LMO7: variants seen among roughly 807,000 people sequenced by gnomAD.
LMO7 encodes the protein LIM domain 7, also known as LIM domain only protein 7.
A neutral mutation model predicts 206.5 loss-of-function variants in LMO7; 120 were observed. That is an observed-to-expected ratio of 0.58 (90% CI 0.50 to 0.68). The LOEUF is 0.68. LMO7 is among the 30% of genes least tolerant of loss of function. The pLI is 0.00. For missense variants in LMO7, 1,959 were observed against 1,957.9 expected (o/e 1.00, Z -0.01); for synonymous variants, 706 against 681.5 (o/e 1.04, Z -0.56).
intron 1 of LMO7, among the ~76,000 whole-genome samples, chr13:75,664,507 C>T (rs992193544): frequency 1.3e-5 from 2 of 152,052 alleles, no homozygotes; most frequent in African/African-American, 4.8e-5. Flanking sequence ...GATCTCTTTT[C>T]GATATCCTGA....
chr13:75,749,802 A>G (rs1594726614), intron 3 of LMO7, among the ~76,000 whole-genome samples: 1 of 149,100 alleles, frequency 6.7e-6, no homozygotes, highest in South Asian at 2.1e-4. Context: ...TTCCTTTGTT[A>G]TCAGCAAATG....
rs763129663 is a variant in LMO7, at chr13:75,849,066, G to T, written c.4151-13G>T. 7 of 1,510,026 alleles carry T rather than the reference G, an allele frequency of 4.6e-6. No homozygotes were observed. In the Admixed American group the frequency reaches 5.2e-5, roughly 11 times the overall value. The allele number at this position is 1,510,026 out of a possible 1,614,324, so 93.5% of individuals were successfully genotyped here. ...GTACTAATCCCAAAGCTTTTGATTT[G>T]TTTTTAATTTAGGAAACAATAAATA... On this transcript the variant is annotated splice_polypyrimidine_tract_variant and intron_variant, in intron 26 of 30. Coordinates refer to ENST00000377534, the MANE Select transcript of LMO7 (RefSeq NM_001306080.2).
intron 1 of LMO7, among the ~76,000 whole-genome samples, chr13:75,703,939 G>T (rs533305791): frequency 6.6e-6 from 1 of 152,152 alleles, no homozygotes; most frequent in Admixed American, 6.5e-5. Context: ...TAAGTTTTTG[G>T]TATTTGTAAC....
chr13:75,621,635 A>G, exon 1 of LMO7: 1 of 1,007,798 alleles, frequency 9.9e-7, no homozygotes, highest in Non-Finnish European at 1.4e-6. Context: ...GGCAAGTGCA[A>G]ATAAGTTCAA....
Position 75,814,893 on chromosome 13 carries a change from G to A in LMO7, c.1947-2268G>A, listed in dbSNP as rs139277250. ...AATAGTAGGGGGAAAAGCAGGAGGT[G>A]TGAGCAGGGCAGGGAAGCCAGTTGG... On this transcript the variant is annotated intron_variant, in intron 11 of 30. Transcript: ENST00000377534. 4.3e-3 allele frequency among the ~76,000 whole-genome samples: 662 copies of A among 152,300 alleles called. 4 individuals carry two copies. Among genetic ancestry groups the A allele is most frequent in the African/African-American group, 0.015 (634 of 41,562 alleles).
chr13:75,853,509 A>G, intron 28 of LMO7, 121 bp downstream of exon 28: 3 of 881,840 alleles, frequency 3.4e-6, no homozygotes, highest in Non-Finnish European at 5.0e-6. Flanking sequence ...TGAATGTGTC[A>G]AATTTGGTAT....
At chr13:75,751,409 C>T (rs2047264481) in intron 3 of LMO7, among the ~76,000 whole-genome samples, 1 of 152,072 alleles carries the variant, frequency 6.6e-6, no homozygotes, top group South Asian at 2.1e-4. Flanking sequence ...ATCTGTCCCG[C>T]TCAGCCTCCC....
chr13:75,711,331 A>T (rs550891103), intron 1 of LMO7, among the ~76,000 whole-genome samples: 183 of 151,688 alleles, frequency 1.2e-3, no homozygotes, highest in Non-Finnish European at 2.1e-3. Context: ...GTTAGGGAGG[A>T]CTCCCTCTTT....
At chr13:75,775,000 G>A (rs559688051) in intron 4 of LMO7, among the ~76,000 whole-genome samples, 1 of 152,218 alleles carries the variant, frequency 6.6e-6, no homozygotes, top group East Asian at 1.9e-4. Context: ...AAAGCAGGGC[G>A]AGGAAGAGAG....
At chr13:75,814,242 A>G (rs1216449142) in intron 11 of LMO7, among the ~76,000 whole-genome samples, 1 of 152,228 alleles carries the variant, frequency 6.6e-6, no homozygotes, top group Non-Finnish European at 1.5e-5. Flanking sequence ...TAAGTATAGC[A>G]AATTTTGCTG....
At chr13:75,635,353 T>C (rs529740903), upstream of LMO7, among the ~76,000 whole-genome samples, 42 of 152,048 alleles carry the variant, frequency 2.8e-4, no homozygotes, top group Admixed American at 1.3e-4. Context: ...CTCAGACAGA[T>C]GAGTAGGCTC....
intron 1 of LMO7, among the ~76,000 whole-genome samples, chr13:75,689,575 A>G (rs899654888): frequency 4.6e-5 from 7 of 152,186 alleles, no homozygotes; most frequent in African/African-American, 1.4e-4. Context: ...CCCACCCTCA[A>G]TCTGGGTGGG....
At chr13:75,848,632 TA>T (rs2060210415) in intron 26 of LMO7, among the ~76,000 whole-genome samples, 1 of 152,110 alleles carries the variant, frequency 6.6e-6, no homozygotes, top group East Asian at 1.9e-4. Context: ...TATATATATA[TA>T]TCATGTTCTC....
chr13:75,794,722 A>G (rs1262246035), intron 4 of LMO7, among the ~76,000 whole-genome samples: 2 of 152,132 alleles, frequency 1.3e-5, no homozygotes, highest in Non-Finnish European at 1.5e-5. Flanking sequence ...TGCTTCTTCA[A>G]CACTGTGGTG....
At chr13:75,650,167 G>C (rs553237361) in intron 1 of LMO7, among the ~76,000 whole-genome samples, 1 of 151,230 alleles carries the variant, frequency 6.6e-6, no homozygotes, top group Non-Finnish European at 1.5e-5. Context: ...GTCTCGCTCT[G>C]TCGCCAGGTT....
rs570772771 is a variant in LMO7 at position 75,814,122 on chromosome 13, AT to A, written c.1947-3037del. ...TCTATATTCATATATGTCCTCATAT[AT>A]TCTCTCAATATAATTTATTCCTTAA... is the stretch of plus-strand genomic sequence containing the variant. On this transcript the variant is annotated intron_variant, in intron 11 of 30. Coordinates refer to ENST00000377534, the MANE Select transcript of LMO7 (RefSeq NM_001306080.2). Among the ~76,000 whole-genome samples the A allele has an allele frequency of 2.0e-5, 3 of 152,356 alleles. No individual in the cohort carries two copies. The South Asian group carries it at 6.2e-4, about 32-fold the overall frequency.
intron 1 of LMO7, among the ~76,000 whole-genome samples, chr13:75,663,045 C>A (rs1458682239): frequency 6.6e-6 from 1 of 152,096 alleles, no homozygotes; most frequent in African/African-American, 2.4e-5. Flanking sequence ...GTGAGGGCCT[C>A]TAATTTTTAA....
intron 1 of LMO7, among the ~76,000 whole-genome samples, chr13:75,663,325 A>AT (rs879788518): frequency 6.6e-6 from 1 of 150,654 alleles, no homozygotes. Context: ...GGTGCCTCAG[A>AT]TTTTTTTAAA....
At position 75,849,292 on chromosome 13, in the gene LMO7, G is replaced by A; in HGVS notation, c.4364G>A (p.Arg1455Lys). Reference sequence around the variant, plus strand: ...GTTAGTCTTCCTGGGATCATGAGAAGGTGCGAGACATCTTAGGAATTGGTT... The same window carrying A: ...GTTAGTCTTCCTGGGATCATGAGAAAGTGCGAGACATCTTAGGAATTGGTT... The part of the protein sequence containing the change: ...EPVSLPGIMR[R>K]GESLDNLDSP... Residue 1455 changes from arginine to lysine, a missense_variant and splice_region_variant, in exon 27 of 31, where the codon AGA becomes AAA. Arg to Lys is a conservative substitution (Grantham distance 26). Coordinates refer to ENST00000377534, the MANE Select transcript of LMO7 (RefSeq NM_001306080.2). The A allele has an allele frequency of 1.9e-6, 3 of 1,611,020 alleles. No individual in the cohort carries two copies. Among genetic ancestry groups the A allele is most frequent in the Non-Finnish European group, 2.5e-6 (3 of 1,177,228 alleles).
Sources: gnomAD v4.1 joint callset for allele counts (sites outside exome capture counted in the v4.1 genomes callset) on GRCh38, gnomAD v4.1.1 for gene constraint, MANE v1.5 for transcripts, NCBI Gene and HGNC (gene_info 2026-07-23, HGNC 2026-07-21) for gene names.